The following PILRA variants were observed in gnomAD, a reference collection of about 807,000 sequenced individuals.
PILRA encodes the protein paired immunoglobin like type 2 receptor alpha.
PILRA carries 37 observed loss-of-function variants against 33.1 expected under a neutral mutation model. That is an observed-to-expected ratio of 1.12 (90% CI 0.86 to 1.47). The LOEUF is 1.47. Among genes scored for constraint, PILRA ranks in the 40% most tolerant of loss-of-function variants. The pLI is 0.00. For synonymous variants in PILRA, 146 were observed against 149.9 expected (o/e 0.97, Z 0.19); for missense variants, 312 against 376.2 (o/e 0.83, Z 1.41).
intron 3 of PILRA, among the ~76,000 whole-genome samples, chr7:100,391,188 ATTATT>A (rs1563121252): frequency 6.2e-4 from 85 of 136,068 alleles, no homozygotes; most frequent in African/African-American, 2.5e-3. Context: ...AATAATAATT[ATTATT>A]ATTATTATTA....
chr7:100,385,156 TAGA>T (rs1429094506), intron 2 of PILRA, among the ~76,000 whole-genome samples: 3 of 152,138 alleles, frequency 2.0e-5, no homozygotes, highest in Non-Finnish European at 2.9e-5. Context: ...TGTTTAGAAA[TAGA>T]AGGTTAACAC....
intron 4 of PILRA, 92 bp from the exon 5 acceptor site, chr7:100,399,199 C>G: frequency 1.2e-6 from 1 of 857,584 alleles, no homozygotes; most frequent in South Asian, 1.6e-5. Context: ...CCTCAGTCTC[C>G]CAAAGTGCTG....
At chr7:100,379,959 T>G (rs73401443) in intron 2 of PILRA, among the ~76,000 whole-genome samples, 31,066 of 152,040 alleles carry the variant, frequency 0.2, 3,474 homozygotes, top group African/African-American at 0.28. Context: ...CTCTGTAAAG[T>G]TTCAGTAATG....
chr7:100,384,137 G>T (rs747451444), intron 2 of PILRA, among the ~76,000 whole-genome samples: 1 of 152,072 alleles, frequency 6.6e-6, no homozygotes, highest in Non-Finnish European at 1.5e-5. Context: ...TTGGATGTGG[G>T]GTATGAGAGG....
chr7:100,373,744 T>C, intron 1 of PILRA, 24 bp downstream of exon 1: 1 of 1,612,214 alleles, frequency 6.2e-7, no homozygotes. Flanking sequence ...ACCACCCAGA[T>C]GTGGGCTCTG....
chr7:100,382,767 C>T (rs1791143905), intron 2 of PILRA, among the ~76,000 whole-genome samples: 1 of 152,158 alleles, frequency 6.6e-6, no homozygotes, highest in African/African-American at 2.4e-5. Context: ...TTTGGGTCCA[C>T]ACTGACCTTT....
Position 100,390,045 on chromosome 7 carries a change from C to T in PILRA, c.612C>T (p.Val204=), listed in dbSNP as rs746211119. 6.2e-7 allele frequency: 1 copy of T among 1,613,992 alleles called. No homozygotes were observed. Among genetic ancestry groups the T allele is most frequent in the South Asian group, 1.1e-5 (1 of 91,070 alleles). The change falls in exon 3 of 7, where the codon GTC becomes GTT. Residue 204 remains valine, a synonymous_variant. Coordinates refer to ENST00000198536, the MANE Select transcript of PILRA (RefSeq NM_013439.3). The part of the protein sequence containing the change: ...LETAVGVAVA[V]TVLGIMILGL... ...CTGCTGTGGGGGTGGCAGTGGCTGT[C>T]ACTGTGCTCGGAATCATGATTTTGG... is the stretch of plus-strand genomic sequence containing the variant.
rs1226194017 is a variant in PILRA at position 100,374,275 on chromosome 7, T to C, written c.296T>C (p.Leu99Pro). Residue 99 changes from leucine to proline, a missense_variant, in exon 2 of 7, where the codon CTG becomes CCG. Physicochemically the swap from Leu to Pro is moderately conservative, Grantham distance 98 (BLOSUM62 -3). Transcript: ENST00000198536. Reference protein sequence around the residue: ...IHKDYVNRLFLNWTEGQKSGF... With the variant: ...IHKDYVNRLFPNWTEGQKSGF... ...AAGGATTATGTGAACCGGCTCTTTC[T>C]GAACTGGACAGAGGGTCAGAAGAGC... is the stretch of plus-strand genomic sequence containing the variant. The C allele has an allele frequency of 6.2e-7, 1 of 1,614,160 alleles. No individual in the cohort carries two copies. The highest frequency in any genetic ancestry group is 1.1e-5 in the South Asian group (1 of 91,082).
chr7:100,397,012 A>C (rs1791509056), intron 3 of PILRA, among the ~76,000 whole-genome samples: 1 of 151,762 alleles, frequency 6.6e-6, no homozygotes, highest in Non-Finnish European at 1.5e-5. Flanking sequence ...TAAGTAAAAT[A>C]AAACATAACC....
chr7:100,371,771 T>C (rs1790819906), upstream of PILRA, among the ~76,000 whole-genome samples: 1 of 152,212 alleles, frequency 6.6e-6, no homozygotes, highest in South Asian at 2.1e-4. Context: ...TCCCAGGTTC[T>C]GTCACTGCTG....
chr7:100,388,715 C>T (rs965648933), intron 2 of PILRA, among the ~76,000 whole-genome samples: 1 of 131,244 alleles, frequency 7.6e-6, no homozygotes, highest in African/African-American at 2.9e-5. Flanking sequence ...CACTGCACTC[C>T]ATCCAGCCTG....
At chr7:100,386,985 A>T (rs1791268113) in intron 2 of PILRA, among the ~76,000 whole-genome samples, 1 of 152,182 alleles carries the variant, frequency 6.6e-6, no homozygotes, top group African/African-American at 2.4e-5. Context: ...TTTTACAAGA[A>T]TTTCTTTTTA....
chr7:100,387,888 A>G (rs917670046), intron 2 of PILRA, among the ~76,000 whole-genome samples: 1 of 151,978 alleles, frequency 6.6e-6, no homozygotes, highest in South Asian at 2.1e-4. Flanking sequence ...TCTGTTCCCT[A>G]ATTTATTCCT....
chr7:100,390,015 G>T lies in PILRA; in HGVS notation c.582G>T (p.Leu194=). ...GCTCAGACTCTTGGCACATAAGTCT[G>T]GAGACTGCTGTGGGGGTGGCAGTGG... ...KRRSDSWHIS[L]ETAVGVAVAV... Residue 194 remains leucine (L), a synonymous_variant, in exon 3 of 7, where the codon CTG becomes CTT. Coordinates refer to ENST00000198536, the MANE Select transcript of PILRA (RefSeq NM_013439.3). 6.2e-7 allele frequency: 1 copy of T among 1,614,134 alleles called. No individual in the cohort carries two copies. The highest frequency in any genetic ancestry group is 8.5e-7 in the Non-Finnish European group (1 of 1,180,010).
chr7:100,380,411 C>T (rs956369359), intron 2 of PILRA, among the ~76,000 whole-genome samples: 2 of 152,298 alleles, frequency 1.3e-5, no homozygotes, highest in Non-Finnish European at 1.5e-5. Flanking sequence ...TAAGAGACCT[C>T]GTGCATGTGA....
chr7:100,375,827 G>T (rs1284987598), intron 2 of PILRA, among the ~76,000 whole-genome samples: 1 of 152,256 alleles, frequency 6.6e-6, no homozygotes, highest in South Asian at 2.1e-4. Context: ...TTCGCCTATT[G>T]AGTTGACCAT....
chr7:100,374,715 A>C, intron 2 of PILRA: 18 of 474,686 alleles, frequency 3.8e-5, no homozygotes, highest in East Asian at 8.0e-5. Flanking sequence ...CCCTCTAATT[A>C]TCCTTCATTC....
At chr7:100,377,183 C>CATAA (rs1790969993) in intron 2 of PILRA, among the ~76,000 whole-genome samples, 1 of 146,478 alleles carries the variant, frequency 6.8e-6, no homozygotes, top group African/African-American at 2.5e-5. Context: ...CATAATTTTA[C>CATAA]TTTTGTAACC....
chr7:100,373,269 G>A (rs563474614), upstream of PILRA, among the ~76,000 whole-genome samples: 82 of 152,310 alleles, frequency 5.4e-4, no homozygotes, highest in Admixed American at 2.3e-3. Context: ...CAGAGAGAAG[G>A]ATGAGAAGTG....
Sources: allele counts gnomAD v4.1 joint callset (sites outside exome capture counted in the v4.1 genomes callset), GRCh38; gene constraint gnomAD v4.1.1; transcripts MANE v1.5; gene names NCBI Gene and HGNC (gene_info 2026-07-23, HGNC 2026-07-21).